ABCC4: variants seen among roughly 807,000 people sequenced by gnomAD.
The protein encoded by ABCC4 is ATP-binding cassette sub-family C member 4.
ABCC4 carries 102 observed loss-of-function variants against 168.5 expected under a neutral mutation model. The observed-to-expected ratio is 0.61, with a 90% CI of 0.52 to 0.71. ABCC4 has a LOEUF of 0.71. Ranked by LOEUF, ABCC4 falls within the 30% of genes least tolerant of loss-of-function variation. The pLI, the probability that ABCC4 is intolerant of heterozygous loss-of-function variation, is 0.00. For missense variants in ABCC4, 1,402 were observed against 1,605.8 expected (o/e 0.87, Z 2.17); for synonymous variants, 617 against 590.7 (o/e 1.04, Z -0.65).
At chr13:95,038,374 C>CAAAAAA (rs74617293) in intron 29 of ABCC4, among the ~76,000 whole-genome samples, 9 of 97,582 alleles carry the variant, frequency 9.2e-5, no homozygotes, top group African/African-American at 2.9e-4. Flanking sequence ...AGCCCATACT[C>CAAAAAA]AAAAAAAAAA....
intron 27 of ABCC4, among the ~76,000 whole-genome samples, chr13:95,051,383 C>A (rs893125790): frequency 6.6e-6 from 1 of 152,090 alleles, no homozygotes; most frequent in Admixed American, 6.6e-5. Flanking sequence ...ACAACAATAA[C>A]AATGGAGGGA....
intron 8 of ABCC4, among the ~76,000 whole-genome samples, chr13:95,195,914 A>C (rs1002770961): frequency 1.3e-5 from 2 of 152,212 alleles, no homozygotes; most frequent in Non-Finnish European, 2.9e-5. Context: ...GTTTACAGGC[A>C]TAAGCCACCA....
intron 1 of ABCC4, among the ~76,000 whole-genome samples, chr13:95,286,313 T>C (rs1274222549): frequency 6.6e-6 from 1 of 151,698 alleles, no homozygotes; most frequent in East Asian, 1.9e-4. Context: ...AAAGTCAGGG[T>C]TCCACTATGT....
chr13:95,108,204 G>A (rs1047626397), intron 20 of ABCC4, among the ~76,000 whole-genome samples: 1 of 152,164 alleles, frequency 6.6e-6, no homozygotes. Flanking sequence ...AGAAAAAAAG[G>A]CTAGTACCAC....
chr13:95,269,189 G>A (rs908824243), intron 1 of ABCC4: 1 of 437,060 alleles, frequency 2.3e-6, no homozygotes. Flanking sequence ...GGGGGTCATG[G>A]GAAGCATAGA....
chr13:95,138,642 C>T (rs921070707), intron 19 of ABCC4, among the ~76,000 whole-genome samples: 2 of 151,974 alleles, frequency 1.3e-5, no homozygotes, highest in Admixed American at 6.5e-5. Flanking sequence ...TGGGAAAAAT[C>T]GTGAGATCCT....
At chr13:95,270,921 C>G (rs1316677825) in intron 1 of ABCC4, among the ~76,000 whole-genome samples, 11 of 152,152 alleles carry the variant, frequency 7.2e-5, no homozygotes, top group Admixed American at 7.2e-4. Context: ...TGGTGAAACT[C>G]CATCTCTACT....
At chr13:95,057,593 A>T (rs2033114443) in intron 26 of ABCC4, among the ~76,000 whole-genome samples, 1 of 152,134 alleles carries the variant, frequency 6.6e-6, no homozygotes, top group Admixed American at 6.5e-5. Context: ...GTATGTCATC[A>T]TTTCTGTGCC....
chr13:95,136,084 A>C (rs2036134631), intron 19 of ABCC4, among the ~76,000 whole-genome samples: 1 of 152,188 alleles, frequency 6.6e-6, no homozygotes, highest in Non-Finnish European at 1.5e-5. Flanking sequence ...TTAATATAAA[A>C]TTAAGTAGAA....
intron 19 of ABCC4, among the ~76,000 whole-genome samples, chr13:95,133,108 CTTTTTTTTT>C (rs761691210): frequency 1.8e-5 from 2 of 110,668 alleles, no homozygotes; most frequent in Non-Finnish European, 3.5e-5. Flanking sequence ...GATTTTAAAA[CTTTTTTTTT>C]TTTTTTTTTT....
At chr13:95,291,708 C>T (rs949256479) in intron 1 of ABCC4, among the ~76,000 whole-genome samples, 18 of 152,214 alleles carry the variant, frequency 1.2e-4, no homozygotes, top group Admixed American at 1.2e-3. Flanking sequence ...AGCTCAACTG[C>T]ATGTATCACT....
intron 19 of ABCC4, among the ~76,000 whole-genome samples, chr13:95,148,439 G>A (rs1427521593): frequency 6.6e-6 from 1 of 152,042 alleles, no homozygotes; most frequent in Non-Finnish European, 1.5e-5. Context: ...CCTTCCATTT[G>A]CTGGTGGGTG....
At chr13:95,288,996 T>C (rs1225704372) in intron 1 of ABCC4, among the ~76,000 whole-genome samples, 15 of 152,196 alleles carry the variant, frequency 9.9e-5, no homozygotes, top group Middle Eastern at 3.2e-3. Flanking sequence ...CCTACCATGT[T>C]AAGCCATTGA....
At chr13:95,280,128 A>G (rs2041079358) in intron 1 of ABCC4, among the ~76,000 whole-genome samples, 1 of 152,102 alleles carries the variant, frequency 6.6e-6, no homozygotes, top group South Asian at 2.1e-4. Flanking sequence ...ATAACTATCC[A>G]AGAGAAGTAG....
At chr13:95,275,818 T>C (rs1431108072) in intron 1 of ABCC4, among the ~76,000 whole-genome samples, 1 of 151,566 alleles carries the variant, frequency 6.6e-6, no homozygotes, top group African/African-American at 2.4e-5. Context: ...CAAAATATAA[T>C]AACCTTTATG....
chr13:95,135,080 G>C (rs918759332), intron 19 of ABCC4, among the ~76,000 whole-genome samples: 1 of 152,064 alleles, frequency 6.6e-6, no homozygotes, highest in Non-Finnish European at 1.5e-5. Flanking sequence ...TCTCCCTTAC[G>C]CAAAAGCTAT....
intron 1 of ABCC4, among the ~76,000 whole-genome samples, chr13:95,281,452 G>T (rs1290519625): frequency 6.6e-6 from 1 of 152,032 alleles, no homozygotes; most frequent in Non-Finnish European, 1.5e-5. Context: ...CAACAATAAT[G>T]AGTGACAGAA....
At chr13:95,184,195 C>T (rs34295536) in intron 11 of ABCC4, among the ~76,000 whole-genome samples, 24,340 of 152,186 alleles carry the variant, frequency 0.16, 2,653 homozygotes, top group Non-Finnish European at 0.23. Context: ...AAGGTGGCTA[C>T]GGAAGAGGCT....
intron 11 of ABCC4, among the ~76,000 whole-genome samples, chr13:95,186,297 G>GCATCA (rs2038055934): frequency 6.6e-6 from 1 of 152,130 alleles, no homozygotes; most frequent in Admixed American, 6.5e-5. Flanking sequence ...AATCTGGGTT[G>GCATCA]GGGGTGGAGC....
Sources: gnomAD v4.1 joint callset for allele counts (sites outside exome capture counted in the v4.1 genomes callset) on GRCh38, gnomAD v4.1.1 for gene constraint, MANE v1.5 for transcripts, NCBI Gene and HGNC (gene_info 2026-07-23, HGNC 2026-07-21) for gene names.